Variants in LRRK2 observed in about 807,000 individuals in gnomAD.
The protein encoded by LRRK2 is leucine-rich repeat serine/threonine-protein kinase 2.
A neutral mutation model predicts 302.6 loss-of-function variants in LRRK2; 203 were observed. The ratio of observed to expected loss-of-function variants is 0.67; its 90% CI spans 0.60 to 0.75. The LOEUF (loss-of-function observed/expected upper bound fraction) is 0.75, where lower values mean the gene tolerates loss of function less well. LRRK2 is among the 30% of genes least tolerant of loss of function. LRRK2 has a pLI of 0.00. For synonymous variants in LRRK2, 1,066 were observed against 1,031.9 expected (o/e 1.03, Z -0.63); for missense variants, 2,830 against 2,951.0 (o/e 0.96, Z 0.95).
chr12:40,284,086 T>C lies in LRRK2; in HGVS notation c.2453T>C (p.Leu818Pro), dbSNP rs1198515381. Residue 818 changes from leucine (L) to proline (P), a missense_variant, in exon 19 of 51, where the codon CTT becomes CCT. Physicochemically the swap from Leu to Pro is moderately conservative, Grantham distance 98. Around this residue, in one of 3 missense-constraint regions of LRRK2, gnomAD observed 2,121 missense variants for 2,148.0 expected, o/e 0.99. Transcript: ENST00000298910. ...FCIGKVEPSW[L>P]GPLFPDKTSN... ...ATAGGAAAAGTTGAACCTTCTTGGCTTGGTCCTTTATTTCCAGATAAGACT... is the reference window on the plus strand; with the variant it reads ...ATAGGAAAAGTTGAACCTTCTTGGCCTGGTCCTTTATTTCCAGATAAGACT... 1 of 1,612,920 alleles carries C rather than the reference T, an allele frequency of 6.2e-7. No individual in the cohort carries two copies. Among genetic ancestry groups the C allele is most frequent in the East Asian group, 2.2e-5 (1 of 44,824 alleles).
chr12:40,243,602 G>T lies in LRRK2; in HGVS notation c.759G>T (p.Val253=). ...MSGNVRCYNI[V]VEAMKAFPMS... The stretch of plus-strand genomic sequence containing the variant: ...GCAATGTCAGGTGTTATAATATTGT[G>T]GTGGAAGCTATGAAAGCATTCCCTA... Residue 253 remains valine (V), a synonymous_variant, in exon 7 of 51, where the codon GTG becomes GTT. Transcript: ENST00000298910. 6.2e-7 allele frequency: 1 copy of T among 1,612,170 alleles called. No individual in the cohort carries two copies. Among genetic ancestry groups the T allele is most frequent in the African/African-American group, 1.3e-5 (1 of 74,916 alleles).
chr12:40,307,545 A>G (rs1944867584), intron 28 of LRRK2, among the ~76,000 whole-genome samples: 1 of 151,940 alleles, frequency 6.6e-6, no homozygotes, highest in African/African-American at 2.4e-5. Context: ...TTATGATGTT[A>G]TGTGATCTCA....
chr12:40,290,417 A>G (rs1463585311), intron 20 of LRRK2, among the ~76,000 whole-genome samples: 1 of 152,058 alleles, frequency 6.6e-6, no homozygotes, highest in African/African-American at 2.4e-5. Context: ...CTTGAAATGA[A>G]TTGGGAAGTG....
At chr12:40,359,165 G>A in intron 46 of LRRK2, 95 bp from the exon 47 acceptor site, 1 of 1,021,972 alleles carries the variant, frequency 9.8e-7, no homozygotes, top group Non-Finnish European at 1.4e-6. Context: ...AATCATTTAA[G>A]ATGGAAAGTA....
intron 35 of LRRK2, 103 bp downstream of exon 35, chr12:40,321,291 A>T: frequency 8.9e-7 from 1 of 1,129,564 alleles, no homozygotes; most frequent in Admixed American, 2.2e-5. Flanking sequence ...GTAATATGCC[A>T]TTTTCTCAGA....
intron 2 of LRRK2, among the ~76,000 whole-genome samples, chr12:40,231,948 C>T (rs1280005397): frequency 4.0e-5 from 6 of 151,756 alleles, no homozygotes; most frequent in African/African-American, 1.2e-4. Flanking sequence ...AGATTACAGG[C>T]GCCCATCACC....
At position 40,274,576 on chromosome 12, in the gene LRRK2, A is replaced by G; in HGVS notation, c.1657-7A>G. On this transcript the variant is annotated splice_region_variant and splice_polypyrimidine_tract_variant and intron_variant, in intron 14 of 50. Coordinates refer to ENST00000298910, the MANE Select transcript of LRRK2 (RefSeq NM_198578.4). ...ATTTTTAACAGCGAGTATTCTTTTG[A>G]TTTTAGTTCATTGGAAATCCTGGGA... 6.2e-7 allele frequency: 1 copy of G among 1,613,426 alleles called. No homozygotes were observed. Among genetic ancestry groups the G allele is most frequent in the African/African-American group, 1.3e-5 (1 of 75,016 alleles).
chr12:40,303,859 T>C, intron 26 of LRRK2, 89 bp from the exon 27 acceptor site: 1 of 1,293,158 alleles, frequency 7.7e-7, no homozygotes, highest in Admixed American at 1.8e-5. Flanking sequence ...TACACTTTAT[T>C]CTCACCCTGG....
chr12:40,356,250 A>C, intron 46 of LRRK2, 63 bp downstream of exon 46: 30 of 1,146,098 alleles, frequency 2.6e-5, no homozygotes, highest in Non-Finnish European at 3.1e-5. Flanking sequence ...TATATATCTC[A>C]CACCCCTCTT....
At chr12:40,274,810 T>A (rs199911625) in intron 15 of LRRK2, 44 bp from the exon 16 acceptor site, 5 of 1,609,928 alleles carry the variant, frequency 3.1e-6, no homozygotes, top group Non-Finnish European at 4.2e-6. Flanking sequence ...ATATTTTTCT[T>A]CAGTTTTGAG....
At chr12:40,269,063 C>T (rs571347455) in intron 14 of LRRK2, among the ~76,000 whole-genome samples, 5 of 152,156 alleles carry the variant, frequency 3.3e-5, no homozygotes, top group African/African-American at 7.2e-5. Flanking sequence ...TTGTTATTAA[C>T]GTAAATGACA....
In LRRK2 at chr12:40,277,774, T is replaced by C. The variant is rs72546318; in HGVS notation, c.1942-114T>C. On this transcript the variant is annotated intron_variant, in intron 16 of 50. Coordinates refer to ENST00000298910, the MANE Select transcript of LRRK2 (RefSeq NM_198578.4). ...TTAAAGCACCAACCCAATATATCTA[T>C]AGTTAAATGAACATCCTAGGTATTG... 0.01 allele frequency: 10,027 copies of C among 959,918 alleles called. 64 individuals carry two copies. Among genetic ancestry groups the C allele is most frequent in the Non-Finnish European group, 0.013 (8,371 of 640,244 alleles). The allele number at this position is 959,918 out of a possible 1,614,324, so 59.5% of individuals were successfully genotyped here.
intron 27 of LRRK2, 104 bp downstream of exon 27, chr12:40,304,238 T>C: frequency 1.8e-6 from 2 of 1,098,812 alleles, no homozygotes; most frequent in East Asian, 5.0e-5. Context: ...TTCATGAAAC[T>C]AGAAGCTTCC....
chr12:40,258,787 A>G (rs2136515604), intron 12 of LRRK2, among the ~76,000 whole-genome samples: 1 of 152,266 alleles, frequency 6.6e-6, no homozygotes, highest in South Asian at 2.1e-4. Context: ...TTTAAGTTGG[A>G]AAAGAAGGAA....
intron 39 of LRRK2, among the ~76,000 whole-genome samples, chr12:40,331,422 G>A (rs1355067647): frequency 1.3e-5 from 2 of 152,230 alleles, no homozygotes; most frequent in South Asian, 2.1e-4. Flanking sequence ...ACTTGAAATT[G>A]TTTCCCCTCT....
chr12:40,247,289 T>G (rs1461714921), intron 7 of LRRK2, among the ~76,000 whole-genome samples: 1 of 151,920 alleles, frequency 6.6e-6, no homozygotes, highest in Admixed American at 6.6e-5. Context: ...AACTTTAGTT[T>G]GTTATTTCTT....
chr12:40,242,646 C>T (rs913540724), intron 6 of LRRK2, among the ~76,000 whole-genome samples: 1 of 151,258 alleles, frequency 6.6e-6, no homozygotes, highest in Non-Finnish European at 1.5e-5. Context: ...CATCTGGTGA[C>T]ATATTCTTGA....
chr12:40,312,711 C>T (rs761547959), intron 31 of LRRK2: 3 of 152,026 alleles, frequency 2.0e-5, no homozygotes, highest in Non-Finnish European at 2.9e-5. Context: ...AGCCCATTAG[C>T]AGAGCAGGCA....
rs1177975775 is a variant in LRRK2, at chr12:40,321,208, T to G, written c.5170+20T>G. 6.2e-7 allele frequency: 1 copy of G among 1,600,706 alleles called. No homozygotes were observed. The highest frequency in any genetic ancestry group is 1.7e-5 in the Admixed American group (1 of 59,684). On this transcript the variant is annotated intron_variant, in intron 35 of 50. Coordinates refer to ENST00000298910, the MANE Select transcript of LRRK2 (RefSeq NM_198578.4). ...GGAGAGGTAAGTATCTAATGAAGAC[T>G]TATTAGATTTTTAGAGACTATTAAT...
Sources: allele counts gnomAD v4.1 joint callset (sites outside exome capture counted in the v4.1 genomes callset), GRCh38; gene constraint gnomAD v4.1.1; regional missense constraint gnomAD v4.1.1; transcripts MANE v1.5; gene names NCBI Gene and HGNC (gene_info 2026-07-23, HGNC 2026-07-21).